The following REEP1 variants were observed in gnomAD, a reference collection of about 807,000 sequenced individuals.
REEP1 encodes receptor expression-enhancing protein 1.
A neutral mutation model predicts 40.3 loss-of-function variants in REEP1; 22 were observed. That is an observed-to-expected ratio of 0.55 (90% CI 0.39 to 0.78). The LOEUF is 0.78. Ranked by LOEUF, REEP1 falls within the 30% of genes least tolerant of loss-of-function variation. The probability of loss-of-function intolerance (pLI) is 0.00; values close to 1 mark genes in which losing one functional copy is unlikely to be tolerated. For synonymous variants in REEP1, 116 were observed against 139.2 expected, an observed-to-expected ratio of 0.83 and a Z score of 1.17; for missense variants, 280 against 361.1, an observed-to-expected ratio of 0.78 and a Z score of 1.82.
At chr2:86,289,274 C>G (rs1678570492) in intron 1 of REEP1, among the ~76,000 whole-genome samples, 1 of 151,924 alleles carries the variant, frequency 6.6e-6, no homozygotes, top group South Asian at 2.1e-4. Context: ...TATATGGATC[C>G]CAATTGTCCC....
chr2:86,237,226 A>G (rs1443409959), intron 5 of REEP1, among the ~76,000 whole-genome samples: 1 of 152,180 alleles, frequency 6.6e-6, no homozygotes, highest in African/African-American at 2.4e-5. Flanking sequence ...TGAGAAAGGA[A>G]TATGAATCTC....
chr2:86,294,970 T>C (rs1189456569), intron 1 of REEP1, among the ~76,000 whole-genome samples: 1 of 151,958 alleles, frequency 6.6e-6, no homozygotes, highest in Non-Finnish European at 1.5e-5. Flanking sequence ...AGAACAAGGA[T>C]TGTGTGAAAC....
rs1051191683 is a variant in REEP1, at chr2:86,260,899, T to C, written c.182+3066A>G. On this transcript the variant is annotated intron_variant, in intron 3 of 8. Transcript: ENST00000538924. ...CACACATTTGTACTGTTTTAAGCTGTTAAATTTGTGGTAATTTGTTATGGC... is the reference window on the plus strand; with the variant it reads ...CACACATTTGTACTGTTTTAAGCTGCTAAATTTGTGGTAATTTGTTATGGC... Among the ~76,000 whole-genome samples the C allele has an allele frequency of 4.6e-5, 7 of 152,322 alleles. No homozygotes were observed. The South Asian group carries it at 1.0e-3, about 23-fold the overall frequency.
At chr2:86,292,469 C>G (rs1224393954) in intron 1 of REEP1, among the ~76,000 whole-genome samples, 1 of 152,146 alleles carries the variant, frequency 6.6e-6, no homozygotes, top group East Asian at 1.9e-4. Flanking sequence ...ATTGTCATCA[C>G]AATAATTGTG....
At chr2:86,298,283 G>A (rs1247699306) in intron 1 of REEP1, among the ~76,000 whole-genome samples, 4 of 152,196 alleles carry the variant, frequency 2.6e-5, no homozygotes, top group African/African-American at 7.2e-5. Context: ...GGGCATGGAA[G>A]GGCAGATGTG....
chr2:86,336,402 G>T (rs1027606921), intron 1 of REEP1, among the ~76,000 whole-genome samples: 1 of 152,116 alleles, frequency 6.6e-6, no homozygotes, highest in Non-Finnish European at 1.5e-5. Flanking sequence ...GTTTCAAAAC[G>T]TGGGGAGTGA....
At chr2:86,263,866 A>G in intron 3 of REEP1, 99 bp downstream of exon 3, 1 of 846,734 alleles carries the variant, frequency 1.2e-6, no homozygotes, top group Non-Finnish European at 2.1e-6. Context: ...CTCTGGCCTG[A>G]GGTGAGGTTT....
chr2:86,218,437 G>C (rs1323415809), intron 8 of REEP1, among the ~76,000 whole-genome samples: 1 of 152,160 alleles, frequency 6.6e-6, no homozygotes, highest in Non-Finnish European at 1.5e-5. Flanking sequence ...CAAGACTCAG[G>C]CCCTCTCATA....
At position 86,214,634 on chromosome 2, in the gene REEP1, C is replaced by T. The variant is rs1674006125; in HGVS notation, c.*2405G>A. The T allele has an allele frequency of 6.6e-6, 1 of 152,626 alleles. No homozygotes were observed. The highest frequency in any genetic ancestry group is 2.1e-4 in the South Asian group (1 of 4,824). 9.5% of individuals were successfully genotyped at this position (152,626 alleles called of 1,614,324 possible). A position where few individuals can be genotyped will look rare whatever the true frequency, so the allele number is the denominator to read the frequency against. On this transcript the variant is annotated 3_prime_UTR_variant, in exon 9 of 9. Coordinates refer to ENST00000538924, the MANE Select transcript of REEP1 (RefSeq NM_001371279.1). ...CTTTCACATTTTATGTCAGTTCATA[C>T]ACAAATGTACAACTTGTCAGATACG...
intron 1 of REEP1, among the ~76,000 whole-genome samples, chr2:86,313,145 C>T (rs1389119358): frequency 1.3e-5 from 2 of 151,952 alleles, no homozygotes; most frequent in African/African-American, 2.4e-5. Context: ...AGTCTTGCTC[C>T]GTCACCCAGG....
At chr2:86,313,832 C>T (rs1422818828) in intron 1 of REEP1, among the ~76,000 whole-genome samples, 1 of 152,198 alleles carries the variant, frequency 6.6e-6, no homozygotes, top group Non-Finnish European at 1.5e-5. Flanking sequence ...CACCCCTCAG[C>T]TTGGCTGATG....
At chr2:86,265,317 A>C (rs568053812) in intron 2 of REEP1, among the ~76,000 whole-genome samples, 1 of 152,320 alleles carries the variant, frequency 6.6e-6, no homozygotes, top group South Asian at 2.1e-4. Context: ...ATTTCCAGTG[A>C]AACACCTGGA....
intron 1 of REEP1, among the ~76,000 whole-genome samples, chr2:86,317,183 G>A (rs954758036): frequency 3.6e-4 from 55 of 152,186 alleles, no homozygotes; most frequent in Admixed American, 9.8e-4. Flanking sequence ...TCAATAAATC[G>A]GGGCAACTGT....
intron 1 of REEP1, among the ~76,000 whole-genome samples, chr2:86,320,704 T>C (rs1417211467): frequency 6.6e-6 from 1 of 152,220 alleles, no homozygotes; most frequent in East Asian, 1.9e-4. Context: ...AATCTAATAA[T>C]TAAAAAATTG....
intron 8 of REEP1, among the ~76,000 whole-genome samples, chr2:86,219,451 CTTTTTTT>C (rs11350191): frequency 7.7e-6 from 1 of 129,978 alleles, no homozygotes; most frequent in Non-Finnish European, 1.6e-5. Context: ...TTTTTCTTTT[CTTTTTTT>C]TTTTTTTTTT....
At chr2:86,237,556 CTT>C (rs1474722097) in intron 5 of REEP1, among the ~76,000 whole-genome samples, 1 of 152,144 alleles carries the variant, frequency 6.6e-6, no homozygotes, top group Admixed American at 6.5e-5. Context: ...GAGTTTCACT[CTT>C]GTCAGCCAGG....
intron 3 of REEP1, among the ~76,000 whole-genome samples, chr2:86,257,694 G>A (rs1277088244): frequency 6.0e-5 from 9 of 149,306 alleles, no homozygotes; most frequent in African/African-American, 2.2e-4. Flanking sequence ...TGCAAATGCA[G>A]TGGCACGGTC....
chr2:86,303,212 GTTTTTTTTT>G (rs35002382), intron 1 of REEP1, among the ~76,000 whole-genome samples: 1 of 69,012 alleles, frequency 1.4e-5, no homozygotes. Flanking sequence ...CCGGCTAATT[GTTTTTTTTT>G]TTTTTTTTTT....
chr2:86,320,240 C>A (rs1388956474), intron 1 of REEP1, among the ~76,000 whole-genome samples: 1 of 152,216 alleles, frequency 6.6e-6, no homozygotes, highest in African/African-American at 2.4e-5. Context: ...AACTTGTAAC[C>A]ACTAACCTCA....
Sources: allele counts gnomAD v4.1 joint callset (sites outside exome capture counted in the v4.1 genomes callset), GRCh38; gene constraint gnomAD v4.1.1; transcripts MANE v1.5; gene names NCBI Gene and HGNC (gene_info 2026-07-23, HGNC 2026-07-21).